The following UBR2 variants were observed in gnomAD, a reference collection of about 807,000 sequenced individuals.
The protein encoded by UBR2 is ubiquitin protein ligase E3 component n-recognin 2, also known as E3 ubiquitin-protein ligase UBR2.
UBR2 carries 92 observed loss-of-function variants against 247.9 expected under a neutral mutation model. The ratio of observed to expected loss-of-function variants is 0.37; its 90% CI spans 0.31 to 0.44. The LOEUF (loss-of-function observed/expected upper bound fraction) is 0.44. UBR2 is among the 20% of genes least tolerant of loss of function. The pLI is 1.00. For missense variants in UBR2, 1,613 were observed against 2,112.6 expected (o/e 0.76, Z 4.64); for synonymous variants, 672 against 693.5 (o/e 0.97, Z 0.49).
chr6:42,618,106 C>T (rs952019467), intron 11 of UBR2, among the ~76,000 whole-genome samples: 15 of 152,150 alleles, frequency 9.9e-5, no homozygotes, highest in Non-Finnish European at 1.5e-4. Flanking sequence ...TAAACAATAA[C>T]AAATGTGACC....
At chr6:42,656,473 C>T (rs1314816767) in intron 26 of UBR2, among the ~76,000 whole-genome samples, 1 of 152,168 alleles carries the variant, frequency 6.6e-6, no homozygotes, top group Admixed American at 6.5e-5. Flanking sequence ...AGTACCACCT[C>T]GCTTTCCAGC....
intron 11 of UBR2, chr6:42,620,478 GTT>G (rs1315872134): frequency 5.0e-5 from 5 of 100,956 alleles, no homozygotes; most frequent in East Asian, 5.0e-4. Flanking sequence ...AATATTAAGT[GTT>G]GTTTTTTTTT....
chr6:42,637,308 A>G (rs945650254), intron 15 of UBR2, 114 bp downstream of exon 15: 33 of 1,162,150 alleles, frequency 2.8e-5, no homozygotes, highest in Non-Finnish European at 3.8e-5. Flanking sequence ...TTTCTACATC[A>G]TTAACTTATC....
chr6:42,577,709 T>G (rs1791613716), intron 2 of UBR2, among the ~76,000 whole-genome samples: 1 of 152,172 alleles, frequency 6.6e-6, no homozygotes, highest in Non-Finnish European at 1.5e-5. Context: ...GAAGTAAGGT[T>G]TCATCCCCCT....
chr6:42,586,952 C>G (rs1183566085), intron 2 of UBR2, among the ~76,000 whole-genome samples: 2 of 151,376 alleles, frequency 1.3e-5, no homozygotes, highest in Non-Finnish European at 2.9e-5. Context: ...TCCCGAGTAG[C>G]TGGGATTACA....
chr6:42,608,889 TA>T, intron 7 of UBR2, among the ~76,000 whole-genome samples: 1 of 152,352 alleles, frequency 6.6e-6, no homozygotes, highest in Non-Finnish European at 1.5e-5. Flanking sequence ...TAGCAAAAGA[TA>T]TATTTTTCTT....
At chr6:42,632,456 A>G in intron 11 of UBR2, 96 bp from the exon 12 acceptor site, 4 of 1,136,352 alleles carry the variant, frequency 3.5e-6, no homozygotes, top group Non-Finnish European at 4.8e-6. Flanking sequence ...AAAAAGGTTT[A>G]AACTGAAGGA....
intron 9 of UBR2, 23 bp from the exon 10 acceptor site, chr6:42,615,979 A>G: frequency 2.6e-6 from 4 of 1,531,830 alleles, no homozygotes; most frequent in Non-Finnish European, 3.5e-6. Context: ...TCCTTATCTT[A>G]TACCGTGATC....
At chr6:42,617,835 G>A (rs936396149) in intron 11 of UBR2, among the ~76,000 whole-genome samples, 14 of 152,044 alleles carry the variant, frequency 9.2e-5, no homozygotes, top group Non-Finnish European at 1.8e-4. Context: ...TATCCTTCAC[G>A]TTAGAATTAG....
At chr6:42,686,807 C>G (rs572012342) in intron 44 of UBR2, among the ~76,000 whole-genome samples, 1 of 151,674 alleles carries the variant, frequency 6.6e-6, no homozygotes, top group Non-Finnish European at 1.5e-5. Flanking sequence ...ACTTCCCAGA[C>G]GGGGCGGCTG....
At chr6:42,629,929 GT>G (rs1372602731) in intron 11 of UBR2, among the ~76,000 whole-genome samples, 1 of 151,966 alleles carries the variant, frequency 6.6e-6, no homozygotes, top group Non-Finnish European at 1.5e-5. Flanking sequence ...GGTTTTTGGG[GT>G]TTTCGTTTGT....
intron 45 of UBR2, 141 bp downstream of exon 45, chr6:42,688,527 C>A: frequency 1.0e-6 from 1 of 956,394 alleles, no homozygotes; most frequent in Non-Finnish European, 1.5e-6. Flanking sequence ...AGCTCCTTGT[C>A]GCCTCACATC....
chr6:42,612,127 T>G lies in UBR2; in HGVS notation c.865-44T>G, dbSNP rs772517508. The G allele has an allele frequency of 3.4e-6, 5 of 1,466,302 alleles. No homozygotes were observed. In the South Asian group the frequency reaches 6.0e-5, roughly 18 times the overall value. 90.8% of individuals were successfully genotyped at this position (1,466,302 alleles called of 1,614,324 possible). ...TAATAACTTTGTTCTGCCAATAGAA[T>G]AGCTTTTTAAGTTAATTTTTAAATC... On this transcript the variant is annotated intron_variant, in intron 7 of 46. Coordinates refer to ENST00000372901, the MANE Select transcript of UBR2 (RefSeq NM_001363705.2).
rs762040915 is a variant in UBR2 at position 42,693,251 on chromosome 6, C to A, written c.*2078C>A. 6.6e-6 allele frequency: 1 copy of A among 152,152 alleles called. No homozygotes were observed. The highest frequency in any genetic ancestry group is 1.5e-5 in the Non-Finnish European group (1 of 68,026). 9.4% of individuals were successfully genotyped at this position (152,152 alleles called of 1,614,324 possible). ...TTTACATGAAATTGCAACATACACA[C>A]CTTTTTATTTTCTGGTGTTAAGCTA... On this transcript the variant is annotated 3_prime_UTR_variant, in exon 47 of 47. Coordinates refer to ENST00000372901, the MANE Select transcript of UBR2 (RefSeq NM_001363705.2).
Position 42,573,715 on chromosome 6 carries a change from C to G in UBR2, c.79-19C>G. 1 of 1,488,160 alleles carries G rather than the reference C, an allele frequency of 6.7e-7. No individual in the cohort carries two copies. 92.2% of individuals were successfully genotyped at this position (1,488,160 alleles called of 1,614,324 possible). A position where few individuals can be genotyped will look rare whatever the true frequency, so the allele number is the denominator to read the frequency against. The stretch of plus-strand genomic sequence containing the variant: ...TTGTTGGTGTTTAAAACCATTTCTT[C>G]TCTTTTCTTCTTTTAAAGAAATGGC... On this transcript the variant is annotated intron_variant, in intron 1 of 46. Transcript: ENST00000372901.
At chr6:42,565,890 T>C (rs978333995) in intron 1 of UBR2, among the ~76,000 whole-genome samples, 1 of 152,080 alleles carries the variant, frequency 6.6e-6, no homozygotes, top group African/African-American at 2.4e-5. Context: ...TACTTACTTG[T>C]TTAGCCTAGG....
Position 42,645,581 on chromosome 6 carries a change from A to G in UBR2, c.2400A>G (p.Leu800=). The G allele has an allele frequency of 6.2e-7, 1 of 1,612,942 alleles. No homozygotes were observed. The highest frequency in any genetic ancestry group is 8.5e-7 in the Non-Finnish European group (1 of 1,179,688). ...PMAHSELVKS[L]PEDENKETGM... is the part of the protein sequence containing the mutation. ...CTCATAGTGAATTGGTAAAGTCTTTACCTGAAGATGTAAGTACCTACATTT... is the reference window on the plus strand; with the variant it reads ...CTCATAGTGAATTGGTAAAGTCTTTGCCTGAAGATGTAAGTACCTACATTT... Residue 800 remains leucine (L), a synonymous_variant, in exon 21 of 47, where the codon TTA becomes TTG. Coordinates refer to ENST00000372901, the MANE Select transcript of UBR2 (RefSeq NM_001363705.2).
Position 42,681,004 on chromosome 6 carries a change from A to T in UBR2, c.4718+1172A>T, listed in dbSNP as rs201384545. On this transcript the variant is annotated intron_variant, in intron 42 of 46. Transcript: ENST00000372901. ...CGATGAAACCCCGTCTCTACTAAAAATACAAAAAATTAGCCAGGTGTGTTG... is the reference window on the plus strand; with the variant it reads ...CGATGAAACCCCGTCTCTACTAAAATTACAAAAAATTAGCCAGGTGTGTTG... Among the ~76,000 whole-genome samples, 17 of 152,188 alleles carry T rather than the reference A, an allele frequency of 1.1e-4. No homozygotes were observed. In the East Asian group the frequency reaches 3.3e-3, roughly 29 times the overall value.
intron 8 of UBR2, among the ~76,000 whole-genome samples, chr6:42,612,874 G>A (rs1794181665): frequency 6.6e-6 from 1 of 152,200 alleles, no homozygotes; most frequent in Admixed American, 6.5e-5. Context: ...GCCAAGGTGG[G>A]TGGATAACCT....
Sources: gnomAD v4.1 joint callset for allele counts (sites outside exome capture counted in the v4.1 genomes callset) on GRCh38, gnomAD v4.1.1 for gene constraint, MANE v1.5 for transcripts, NCBI Gene and HGNC (gene_info 2026-07-23, HGNC 2026-07-21) for gene names.